PTGER3: variants seen among roughly 807,000 people sequenced by gnomAD.
The protein encoded by PTGER3 is prostaglandin E2 receptor EP3 subtype.
A neutral mutation model predicts 34.7 loss-of-function variants in PTGER3; 22 were observed. That is an observed-to-expected ratio of 0.63 (90% CI 0.45 to 0.91). The LOEUF (loss-of-function observed/expected upper bound fraction) is 0.91. Among genes scored for constraint, PTGER3 ranks in the 40% least tolerant of loss-of-function variants. PTGER3 has a pLI of 0.00. For missense variants in PTGER3, 468 were observed against 519.4 expected, an observed-to-expected ratio of 0.90 and a Z score of 0.96; for synonymous variants, 241 against 230.1, an observed-to-expected ratio of 1.05 and a Z score of -0.43.
At chr1:70,990,870 T>A (rs1171853923) in intron 2 of PTGER3, among the ~76,000 whole-genome samples, 1 of 152,168 alleles carries the variant, frequency 6.6e-6, no homozygotes, top group Non-Finnish European at 1.5e-5. Flanking sequence ...CACTAGATTA[T>A]CTGTGTTTAC....
intron 3 of PTGER3, among the ~76,000 whole-genome samples, chr1:70,972,702 C>T (rs1413396488): frequency 1.3e-5 from 2 of 151,674 alleles, no homozygotes; most frequent in African/African-American, 4.8e-5. Context: ...AATGGCTTCA[C>T]AAAGAATTTG....
At chr1:71,039,649 C>CAAAAAAAAAAAA (rs1183485427) in intron 1 of PTGER3, among the ~76,000 whole-genome samples, 46 of 53,878 alleles carry the variant, frequency 8.5e-4, no homozygotes, top group East Asian at 2.0e-3. Context: ...GACTCTGTCT[C>CAAAAAAAAAAAA]AAAAAAAAAA....
intron 4 of PTGER3, among the ~76,000 whole-genome samples, chr1:70,892,128 T>C (rs1371036317): frequency 3.3e-5 from 5 of 152,046 alleles, no homozygotes; most frequent in Non-Finnish European, 7.4e-5. Flanking sequence ...AGAGGTGAGG[T>C]TGTAAAATAT....
exon 4 of PTGER3, chr1:70,953,049 C>A (rs1430734287): frequency 6.3e-7 from 1 of 1,596,738 alleles, no homozygotes; most frequent in African/African-American, 1.3e-5. Context: ...GTTCTGCAAA[C>A]TGCAGATTAA....
At chr1:71,007,307 T>C (rs1383719681) in intron 2 of PTGER3, 1 of 985,674 alleles carries the variant, frequency 1.0e-6, no homozygotes, top group Non-Finnish European at 1.2e-6. Context: ...TTAAACAGGC[T>C]TACACTATTT....
intron 2 of PTGER3, among the ~76,000 whole-genome samples, chr1:70,988,422 TC>T (rs1655122945): frequency 6.6e-6 from 1 of 152,170 alleles, no homozygotes; most frequent in African/African-American, 2.4e-5. Context: ...CCAGACTCTC[TC>T]CCAGTTAGCT....
chr1:70,871,125 T>C (rs1646153672), intron 4 of PTGER3, among the ~76,000 whole-genome samples: 1 of 152,158 alleles, frequency 6.6e-6, no homozygotes, highest in Admixed American at 6.6e-5. Flanking sequence ...AGTTGGTCCA[T>C]GGTTCTGCAG....
intron 4 of PTGER3, among the ~76,000 whole-genome samples, chr1:70,895,386 G>A (rs987291087): frequency 4.6e-5 from 7 of 152,094 alleles, no homozygotes; most frequent in Non-Finnish European, 1.5e-5. Context: ...ACAAATAAAA[G>A]AAAAGTAGTC....
chr1:70,943,848 G>A (rs1572714813), intron 4 of PTGER3, among the ~76,000 whole-genome samples: 1 of 25,248 alleles, frequency 4.0e-5, no homozygotes, highest in African/African-American at 9.2e-5. Context: ...GAGAGAGAGG[G>A]AGAGAGAGAG....
At chr1:70,921,389 C>G (rs953898767) in intron 4 of PTGER3, among the ~76,000 whole-genome samples, 1 of 152,126 alleles carries the variant, frequency 6.6e-6, no homozygotes, top group Non-Finnish European at 1.5e-5. Flanking sequence ...TTTTCTTTCT[C>G]TCTCTCTGCA....
At chr1:71,011,894 C>T in intron 2 of PTGER3, 1 of 1,122,980 alleles carries the variant, frequency 8.9e-7, no homozygotes, top group South Asian at 2.6e-5. Flanking sequence ...ATTCAGTGTA[C>T]TGGAATATTA....
At chr1:71,009,234 A>C in intron 2 of PTGER3, 2 of 985,256 alleles carry the variant, frequency 2.0e-6, no homozygotes, top group Non-Finnish European at 2.4e-6. Context: ...CTCAATGCCA[A>C]TGTGCTCACA....
At chr1:70,968,618 A>G (rs558631547), downstream of PTGER3, among the ~76,000 whole-genome samples, 88 of 152,134 alleles carry the variant, frequency 5.8e-4, 1 homozygote, top group South Asian at 0.018. Flanking sequence ...TTTGTACACA[A>G]TGGATACATT....
At chr1:70,886,422 T>C (rs966079500) in intron 4 of PTGER3, 4 of 305,388 alleles carry the variant, frequency 1.3e-5, no homozygotes, top group African/African-American at 6.6e-5. Context: ...ACAATACCAA[T>C]GGAGAGTAGT....
intron 4 of PTGER3, among the ~76,000 whole-genome samples, chr1:70,909,825 G>T (rs773260415): frequency 3.9e-5 from 6 of 152,158 alleles, no homozygotes; most frequent in Admixed American, 6.5e-5. Context: ...TTTCAAGAAG[G>T]CTTCCTATAA....
exon 5 of PTGER3, chr1:70,852,687 G>A: frequency 2.2e-6 from 2 of 897,644 alleles, no homozygotes; most frequent in Non-Finnish European, 3.6e-6. Flanking sequence ...GGACATAACA[G>A]CTTCTGGATA....
chr1:70,998,920 G>T (rs1656224103), intron 2 of PTGER3, among the ~76,000 whole-genome samples: 1 of 152,256 alleles, frequency 6.6e-6, no homozygotes, highest in East Asian at 1.9e-4. Context: ...GGTGGCTCAC[G>T]CCTGTAATCC....
intron 2 of PTGER3, chr1:71,006,487 T>C (rs984609741): frequency 5.4e-5 from 53 of 985,306 alleles, no homozygotes; most frequent in African/African-American, 1.7e-5. Context: ...GCAAGGACAA[T>C]TCTTATTTTG....
At chr1:71,011,075 T>C in intron 2 of PTGER3, 3 of 985,678 alleles carry the variant, frequency 3.0e-6, no homozygotes, top group Non-Finnish European at 3.6e-6. Context: ...GATTACTATG[T>C]TTGGTGGGGA....
Sources: allele counts gnomAD v4.1 joint callset (sites outside exome capture counted in the v4.1 genomes callset), GRCh38; gene constraint gnomAD v4.1.1; transcripts MANE v1.5; gene names NCBI Gene and HGNC (gene_info 2026-07-23, HGNC 2026-07-21).